The following SHB variants were observed in gnomAD, a reference collection of about 807,000 sequenced individuals.
SHB encodes the protein SH2 domain-containing adapter protein B.
SHB carries 20 observed loss-of-function variants against 52.3 expected under a neutral mutation model. That is an observed-to-expected ratio of 0.38 (90% CI 0.27 to 0.56). The LOEUF (loss-of-function observed/expected upper bound fraction) is 0.56, where lower values mean the gene tolerates loss of function less well. Ranked by LOEUF, SHB falls within the 20% of genes least tolerant of loss-of-function variation. SHB has a pLI of 0.71. For synonymous variants in SHB, 397 were observed against 316.5 expected (o/e 1.25, Z -2.70); for missense variants, 825 against 723.3 (o/e 1.14, Z -1.61).
intron 5 of SHB, among the ~76,000 whole-genome samples, chr9:37,932,162 A>C (rs1200080248): frequency 6.6e-6 from 1 of 151,514 alleles, no homozygotes; most frequent in Non-Finnish European, 1.5e-5. Context: ...GGTGCCTGTA[A>C]TCCCAGATAC....
Position 37,974,614 on chromosome 9 carries a change from C to A in SHB, c.1054+8G>T, listed in dbSNP as rs1197529520. On this transcript the variant is annotated splice_region_variant and intron_variant, in intron 3 of 5. Coordinates refer to ENST00000377707, the MANE Select transcript of SHB (RefSeq NM_003028.3). ...AGCTGCCTCCTGAGCAGGGTCAGGGCTCCTTACCTGCCAGGGCTGGGATGG... is the reference window on the plus strand; with the variant it reads ...AGCTGCCTCCTGAGCAGGGTCAGGGATCCTTACCTGCCAGGGCTGGGATGG... 9 of 1,611,136 alleles carry A rather than the reference C, an allele frequency of 5.6e-6. No individual in the cohort carries two copies. Among genetic ancestry groups the A allele is most frequent in the Non-Finnish European group, 7.6e-6 (9 of 1,179,242 alleles).
At position 37,917,849 on chromosome 9, in the gene SHB, G is replaced by T. The variant is rs1222378463; in HGVS notation, c.*1972C>A. 6.6e-6 allele frequency among the ~76,000 whole-genome samples: 1 copy of T among 152,230 alleles called. No homozygotes were observed. The highest frequency in any genetic ancestry group is 2.1e-4 in the South Asian group (1 of 4,836). ...GGTCTCTATGAGGGCTGGGCCACGT[G>T]GACGTGCCAGACAAGGCCTGGGAGG... On this transcript the variant is annotated 3_prime_UTR_variant, in exon 6 of 6. Transcript: ENST00000377707.
chr9:37,991,996 G>A (rs1449187549), intron 2 of SHB, among the ~76,000 whole-genome samples: 3 of 152,228 alleles, frequency 2.0e-5, no homozygotes, highest in Non-Finnish European at 4.4e-5. Context: ...AGTGGCTAGA[G>A]TAGGTAAAGG....
At chr9:38,013,703 C>T (rs969396059) in intron 2 of SHB, among the ~76,000 whole-genome samples, 2 of 152,342 alleles carry the variant, frequency 1.3e-5, no homozygotes, top group East Asian at 3.9e-4. Flanking sequence ...GGCTCCATTC[C>T]TAAGGCACCA....
chr9:37,990,418 C>T (rs1820868241), intron 2 of SHB, among the ~76,000 whole-genome samples: 1 of 152,190 alleles, frequency 6.6e-6, no homozygotes, highest in South Asian at 2.1e-4. Flanking sequence ...CTTAACACAT[C>T]CCCTGTGATT....
chr9:37,958,220 A>AGGCAGTGCCCGCCAGTG (rs539346911), intron 3 of SHB, among the ~76,000 whole-genome samples: 1,844 of 152,330 alleles, frequency 0.012, 18 homozygotes, highest in Middle Eastern at 0.034. Context: ...GAGGGCAGCG[A>AGGCAGTGCCCGCCAGTG]GGCAGTGCCC....
At chr9:38,061,990 G>T (rs1821899297) in intron 1 of SHB, among the ~76,000 whole-genome samples, 1 of 152,244 alleles carries the variant, frequency 6.6e-6, no homozygotes, top group South Asian at 2.1e-4. Context: ...CTCTGAGGCA[G>T]ATGGGAGACA....
At chr9:38,034,126 G>A (rs1165309300) in intron 1 of SHB, among the ~76,000 whole-genome samples, 1 of 152,206 alleles carries the variant, frequency 6.6e-6, no homozygotes, top group African/African-American at 2.4e-5. Flanking sequence ...TGGTGAGGGA[G>A]TTCAATGTGC....
chr9:38,041,430 A>T (rs1821574804), intron 1 of SHB, among the ~76,000 whole-genome samples: 1 of 152,182 alleles, frequency 6.6e-6, no homozygotes, highest in Non-Finnish European at 1.5e-5. Flanking sequence ...GGCAAGAGGG[A>T]GACTGCGTTG....
At chr9:38,012,073 C>T (rs539521175) in intron 2 of SHB, among the ~76,000 whole-genome samples, 99 of 152,198 alleles carry the variant, frequency 6.5e-4, no homozygotes, top group Middle Eastern at 3.4e-3. Flanking sequence ...TGAGAGGAGC[C>T]CCTGGGAGAA....
At chr9:38,043,135 C>A (rs1366591465) in intron 1 of SHB, among the ~76,000 whole-genome samples, 1 of 152,230 alleles carries the variant, frequency 6.6e-6, no homozygotes, top group African/African-American at 2.4e-5. Context: ...CTCCAAGTAG[C>A]CTGCCCAGAT....
chr9:37,937,150 CTG>C (rs370899521), intron 5 of SHB, among the ~76,000 whole-genome samples: 12 of 152,314 alleles, frequency 7.9e-5, no homozygotes, highest in African/African-American at 2.9e-4. Context: ...CTTGTCTGGA[CTG>C]TGAGCTCAGA....
chr9:38,068,313 G>C lies in SHB; in HGVS notation c.333C>G (p.Arg111=). 1 of 1,522,816 alleles carries C rather than the reference G, an allele frequency of 6.6e-7. No homozygotes were observed. Among genetic ancestry groups the C allele is most frequent in the Non-Finnish European group, 8.8e-7 (1 of 1,140,612 alleles). 94.3% of individuals were successfully genotyped at this position (1,522,816 alleles called of 1,614,324 possible). Residue 111 remains arginine (R), a synonymous_variant, in exon 1 of 6, where the codon CGC becomes CGG. Coordinates refer to ENST00000377707, the MANE Select transcript of SHB (RefSeq NM_003028.3). Reference sequence around the variant, plus strand: ...CCCCGCTGCCGCCGCAGTAGTCCAGGCGGCACATGGCGCGCAGTTTGCGCA... The same window carrying C: ...CCCCGCTGCCGCCGCAGTAGTCCAGCCGGCACATGGCGCGCAGTTTGCGCA... ...SSLRKLRAMC[R]LDYCGGSGEP...
intron 5 of SHB, among the ~76,000 whole-genome samples, chr9:37,927,867 G>A (rs936916994): frequency 1.6e-4 from 25 of 152,298 alleles, no homozygotes; most frequent in Middle Eastern, 3.4e-3. Flanking sequence ...AGCGGAGGGG[G>A]ATGGTGAAAT....
At chr9:38,008,478 A>G (rs977037919) in intron 2 of SHB, among the ~76,000 whole-genome samples, 2 of 152,244 alleles carry the variant, frequency 1.3e-5, no homozygotes, top group African/African-American at 4.8e-5. Context: ...ATGACAGACC[A>G]GCCAGGGAAC....
chr9:38,026,724 C>T (rs200499554), intron 1 of SHB, among the ~76,000 whole-genome samples: 2 of 152,380 alleles, frequency 1.3e-5, no homozygotes, highest in East Asian at 3.9e-4. Flanking sequence ...GGCTGGGAAA[C>T]CCTGAACCTC....
chr9:37,942,264 C>G (rs769389771), intron 5 of SHB, among the ~76,000 whole-genome samples: 2 of 152,190 alleles, frequency 1.3e-5, no homozygotes, highest in Non-Finnish European at 2.9e-5. Flanking sequence ...TAGACGTCAT[C>G]AAGCAATCTG....
At chr9:37,949,123 A>C (rs1832530058) in intron 4 of SHB, among the ~76,000 whole-genome samples, 1 of 152,108 alleles carries the variant, frequency 6.6e-6, no homozygotes, top group African/African-American at 2.4e-5. Context: ...TCTCAAGGTG[A>C]GGTGGCTCAC....
chr9:38,027,476 T>C (rs1310033093), intron 1 of SHB, among the ~76,000 whole-genome samples: 1 of 152,104 alleles, frequency 6.6e-6, no homozygotes, highest in Non-Finnish European at 1.5e-5. Context: ...CCATGCCTTT[T>C]AGTCTGGGGA....
Sources: allele counts gnomAD v4.1 joint callset (sites outside exome capture counted in the v4.1 genomes callset), GRCh38; gene constraint gnomAD v4.1.1; transcripts MANE v1.5; gene names NCBI Gene and HGNC (gene_info 2026-07-23, HGNC 2026-07-21).